BMAL1: variants seen among roughly 807,000 people sequenced by gnomAD.
The protein encoded by BMAL1 is basic helix-loop-helix ARNT like 1, also known as basic helix-loop-helix ARNT-like protein 1.
At chr11:13,360,935 T>TTGA in the BMAL1 span, among the ~76,000 whole-genome samples, 1 of 152,232 alleles carries the variant, frequency 6.6e-6, no homozygotes, top group African/African-American at 2.4e-5. Context: ...GGCCAACATG[T>TTGA]TGAAACCCTG....
At chr11:13,364,192 C>A in the BMAL1 span, among the ~76,000 whole-genome samples, 2 of 152,214 alleles carry the variant, frequency 1.3e-5, no homozygotes, top group African/African-American at 4.8e-5. Flanking sequence ...AGGCTTCCAG[C>A]AGATGGTGCT....
chr11:13,293,234 C>A, the BMAL1 span, among the ~76,000 whole-genome samples: 76 of 152,246 alleles, frequency 5.0e-4, no homozygotes, highest in African/African-American at 1.7e-3. Flanking sequence ...ATGTGAATTA[C>A]TCAGAAGACA....
the BMAL1 span, among the ~76,000 whole-genome samples, chr11:13,335,567 C>T: frequency 6.6e-6 from 1 of 152,228 alleles, no homozygotes; most frequent in Non-Finnish European, 1.5e-5. Context: ...TGCCCAACAT[C>T]TGCATAGCTG....
chr11:13,376,134 G>C, the BMAL1 span, among the ~76,000 whole-genome samples: 2 of 152,330 alleles, frequency 1.3e-5, no homozygotes, highest in African/African-American at 4.8e-5. Flanking sequence ...ACTGGCCTTG[G>C]CTGAGGATGG....
At chr11:13,360,446 T>C in the BMAL1 span, 2 of 1,596,326 alleles carry the variant, frequency 1.3e-6, no homozygotes, top group South Asian at 1.1e-5. Context: ...TATGGGATTG[T>C]TTTACAACGT....
At chr11:13,356,859 A>G in the BMAL1 span, 5,789 of 1,608,498 alleles carry the variant, frequency 3.6e-3, 20 homozygotes, top group Non-Finnish European at 3.8e-3. Context: ...TACTTGGGGC[A>G]GCACCCATGT....
At chr11:13,328,082 G>T in the BMAL1 span, among the ~76,000 whole-genome samples, 1 of 152,204 alleles carries the variant, frequency 6.6e-6, no homozygotes. Flanking sequence ...ATTCACACAT[G>T]AGAACTGGCC....
At chr11:13,352,763 C>T in the BMAL1 span, among the ~76,000 whole-genome samples, 9 of 152,210 alleles carry the variant, frequency 5.9e-5, no homozygotes, top group African/African-American at 9.7e-5. Flanking sequence ...TATCTGTCGG[C>T]CTAACAGTGA....
chr11:13,366,638 G>A, the BMAL1 span: 1 of 1,574,020 alleles, frequency 6.4e-7, no homozygotes, highest in South Asian at 1.1e-5. Context: ...CAATTGACTT[G>A]TCATGTTTAA....
chr11:13,312,959 A>G, the BMAL1 span, among the ~76,000 whole-genome samples: 496 of 152,324 alleles, frequency 3.3e-3, 3 homozygotes, highest in African/African-American at 0.011. Flanking sequence ...GCTCTGAAAT[A>G]AAAGACAGTG....
the BMAL1 span, among the ~76,000 whole-genome samples, chr11:13,299,633 G>A: frequency 1.1e-4 from 16 of 152,198 alleles, no homozygotes; most frequent in East Asian, 3.1e-3. Context: ...TGGGAGAGAA[G>A]CTCTAGAGTC....
the BMAL1 span, among the ~76,000 whole-genome samples, chr11:13,374,751 AG>A: frequency 6.6e-6 from 1 of 152,084 alleles, no homozygotes; most frequent in Non-Finnish European, 1.5e-5. Flanking sequence ...TCTCACCCCC[AG>A]TTCATCTTCC....
chr11:13,335,199 CAGG>C, the BMAL1 span, among the ~76,000 whole-genome samples: 5 of 152,194 alleles, frequency 3.3e-5, no homozygotes, highest in Non-Finnish European at 5.9e-5. Flanking sequence ...GGAAGATTGA[CAGG>C]AGGATTAGAT....
the BMAL1 span, among the ~76,000 whole-genome samples, chr11:13,345,571 A>G: frequency 6.6e-6 from 1 of 151,950 alleles, no homozygotes. Context: ...TTGTCTCTGT[A>G]TTATACTTTG....
the BMAL1 span, chr11:13,355,210 G>A: frequency 6.2e-7 from 1 of 1,611,610 alleles, no homozygotes; most frequent in Non-Finnish European, 8.5e-7. Context: ...TACAGCAGAT[G>A]TCCTTTCTGC....
chr11:13,309,714 C>A, the BMAL1 span, among the ~76,000 whole-genome samples: 753 of 152,204 alleles, frequency 4.9e-3, 5 homozygotes, highest in Middle Eastern at 0.017. Context: ...TCTAGAGAAA[C>A]CCCCTCTCCT....
the BMAL1 span, among the ~76,000 whole-genome samples, chr11:13,299,520 G>A: frequency 6.6e-6 from 1 of 152,120 alleles, no homozygotes; most frequent in Non-Finnish European, 1.5e-5. Flanking sequence ...GTGGTTTGGG[G>A]CCATGGGGGG....
At chr11:13,330,858 A>C in the BMAL1 span, among the ~76,000 whole-genome samples, 39,475 of 152,198 alleles carry the variant, frequency 0.26, 5,297 homozygotes, top group East Asian at 0.45. Context: ...CTGAGCCTAA[A>C]CCTGAGTGAT....
At chr11:13,367,877 A>G in the BMAL1 span, among the ~76,000 whole-genome samples, 3 of 152,112 alleles carry the variant, frequency 2.0e-5, no homozygotes, top group African/African-American at 7.2e-5. Context: ...TGAGGATTGA[A>G]AGTGTTAATG....
Sources: gnomAD v4.1 joint callset for allele counts (sites outside exome capture counted in the v4.1 genomes callset) on GRCh38, gnomAD v4.1.1 for gene constraint, MANE v1.5 for transcripts, NCBI Gene and HGNC (gene_info 2026-07-23, HGNC 2026-07-21) for gene names.